The following FAM169A variants were observed in gnomAD, a reference collection of about 807,000 sequenced individuals.
FAM169A encodes family with sequence similarity 169 member A, also known as soluble lamin-associated protein of 75 kDa.
In FAM169A, 24 loss-of-function variants were observed where a neutral mutation model predicts 75.7. The observed-to-expected ratio is 0.32, with a 90% CI of 0.23 to 0.45. The LOEUF is 0.45. Among genes scored for constraint, FAM169A ranks in the 20% least tolerant of loss-of-function variants. The pLI is 1.00. For missense variants in FAM169A, 673 were observed against 784.0 expected, an observed-to-expected ratio of 0.86 and a Z score of 1.69; for synonymous variants, 271 against 271.0, an observed-to-expected ratio of 1.00 and a Z score of 0.00.
intron 1 of FAM169A, among the ~76,000 whole-genome samples, chr5:74,844,611 A>C (rs965767489): frequency 1.3e-5 from 2 of 152,158 alleles, no homozygotes; most frequent in African/African-American, 4.8e-5. Context: ...CAAGGTCAGG[A>C]GATGGAGACC....
chr5:74,850,275 T>C lies in FAM169A; in HGVS notation c.-3-8596A>G, dbSNP rs370281762. Reference sequence around the variant, plus strand: ...CCCGGCAGTCGGACTCCGATGTCTGTTTTTTTCCATCACATTGGTATGTCT... The same window carrying C: ...CCCGGCAGTCGGACTCCGATGTCTGCTTTTTTCCATCACATTGGTATGTCT... On this transcript the variant is annotated intron_variant, in intron 1 of 12. Transcript: ENST00000687041. Among the ~76,000 whole-genome samples the C allele has an allele frequency of 7.2e-5, 11 of 152,252 alleles. No individual in the cohort carries two copies. In the East Asian group the frequency reaches 1.9e-3, roughly 27 times the overall value.
At chr5:74,799,579 T>G in intron 10 of FAM169A, 1 of 1,488,220 alleles carries the variant, frequency 6.7e-7, no homozygotes, top group South Asian at 1.1e-5. Context: ...GCAGCTGATG[T>G]CAGAGTCTGG....
At chr5:74,852,947 C>T (rs570837570) in intron 1 of FAM169A, among the ~76,000 whole-genome samples, 42 of 152,250 alleles carry the variant, frequency 2.8e-4, no homozygotes, top group Non-Finnish European at 2.9e-4. Flanking sequence ...GTACCTTGTG[C>T]ATAAATCTTT....
At chr5:74,856,155 G>T (rs959349204) in intron 1 of FAM169A, among the ~76,000 whole-genome samples, 1 of 152,112 alleles carries the variant, frequency 6.6e-6, no homozygotes, top group Non-Finnish European at 1.5e-5. Context: ...CTGTTTTTAC[G>T]CTGGTACCAT....
intron 4 of FAM169A, among the ~76,000 whole-genome samples, chr5:74,835,822 AC>A (rs1358113442): frequency 1.3e-5 from 2 of 152,104 alleles, no homozygotes; most frequent in Non-Finnish European, 2.9e-5. Flanking sequence ...CCTTCCTTGA[AC>A]CCACAGTTCT....
At chr5:74,802,644 C>G (rs1470183628) in intron 8 of FAM169A, among the ~76,000 whole-genome samples, 1 of 152,080 alleles carries the variant, frequency 6.6e-6, no homozygotes, top group Non-Finnish European at 1.5e-5. Flanking sequence ...ATATTTCCAA[C>G]AATGGACCAT....
At chr5:74,819,993 C>CCTTT (rs1747691513) in intron 5 of FAM169A, among the ~76,000 whole-genome samples, 2 of 119,090 alleles carry the variant, frequency 1.7e-5, no homozygotes, top group African/African-American at 6.5e-5. Context: ...GAATTGTATC[C>CCTTT]TTTTTTTTTT....
intron 1 of FAM169A, among the ~76,000 whole-genome samples, chr5:74,842,167 A>G (rs1314691155): frequency 7.3e-6 from 1 of 136,904 alleles, no homozygotes; most frequent in Non-Finnish European, 1.5e-5. Flanking sequence ...CACGCCTGTA[A>G]TTCCAGCACT....
At chr5:74,783,169 A>G (rs1319292950) in intron 11 of FAM169A, 35 bp from the exon 12 acceptor site, 1 of 1,492,526 alleles carries the variant, frequency 6.7e-7, no homozygotes, top group Non-Finnish European at 9.3e-7. Context: ...AAGTAAGGAC[A>G]TGATTACAAA....
chr5:74,793,605 G>A (rs958291437), intron 11 of FAM169A, among the ~76,000 whole-genome samples: 6 of 152,120 alleles, frequency 3.9e-5, no homozygotes, highest in African/African-American at 1.2e-4. Flanking sequence ...GTTGGGTACA[G>A]TATACACTGC....
chr5:74,799,034 G>A lies in FAM169A; in HGVS notation c.1103+1846C>T, dbSNP rs780520303. On this transcript the variant is annotated intron_variant, in intron 10 of 12. Coordinates refer to ENST00000687041, the MANE Select transcript of FAM169A (RefSeq NM_001376049.1). ...TTTTTACTAGAGCCAATCAACTGTC[G>A]TGCCTGAAACAGGGATCGTACCCAG... 58 of 1,118,096 alleles carry A rather than the reference G, an allele frequency of 5.2e-5. 1 individual carries two copies. The highest frequency in any genetic ancestry group is 8.6e-5 in the South Asian group (7 of 81,042). 69.3% of individuals were successfully genotyped at this position (1,118,096 alleles called of 1,614,324 possible).
Position 74,783,140 on chromosome 5 carries a change from C to T in FAM169A, c.1261-6G>A. 1 of 1,594,880 alleles carries T rather than the reference C, an allele frequency of 6.3e-7. No homozygotes were observed. Among genetic ancestry groups the T allele is most frequent in the Non-Finnish European group, 8.6e-7 (1 of 1,167,378 alleles). On this transcript the variant is annotated splice_polypyrimidine_tract_variant and splice_region_variant and intron_variant, in intron 11 of 12. Transcript: ENST00000687041. The stretch of plus-strand genomic sequence containing the variant: ...ATAGGCTCTAATTCAGATTCCTACA[C>T]CATGAGGAGAGAGGGAAAAAGTAAG...
intron 1 of FAM169A, among the ~76,000 whole-genome samples, chr5:74,862,561 G>C (rs948901783): frequency 4.6e-5 from 7 of 152,106 alleles, no homozygotes; most frequent in African/African-American, 1.4e-4. Flanking sequence ...ATATCACTTT[G>C]TTCAGTTCAC....
At chr5:74,826,644 TATTTTAAAAACA>T (rs1748044260) in intron 5 of FAM169A, among the ~76,000 whole-genome samples, 1 of 152,176 alleles carries the variant, frequency 6.6e-6, no homozygotes, top group African/African-American at 2.4e-5. Context: ...TTTAAAAAAC[TATTTTAAAAACA>T]ATTGTAGACT....
intron 1 of FAM169A, among the ~76,000 whole-genome samples, chr5:74,855,536 G>T (rs1026774091): frequency 6.6e-6 from 1 of 152,094 alleles, no homozygotes; most frequent in African/African-American, 2.4e-5. Context: ...GATGATCAAT[G>T]ATGTTGAGTA....
chr5:74,828,341 CCTT>C (rs1324651627), intron 5 of FAM169A, among the ~76,000 whole-genome samples: 4 of 152,114 alleles, frequency 2.6e-5, no homozygotes, highest in East Asian at 1.9e-4. Flanking sequence ...CCTCTCCCTG[CCTT>C]CTTTTTTCTT....
At chr5:74,804,872 T>C (rs1044494475) in intron 7 of FAM169A, among the ~76,000 whole-genome samples, 1 of 152,212 alleles carries the variant, frequency 6.6e-6, no homozygotes, top group Non-Finnish European at 1.5e-5. Flanking sequence ...GCCTATTCTA[T>C]GCCGTTTGAG....
At chr5:74,854,034 A>G (rs1241495561) in intron 1 of FAM169A, among the ~76,000 whole-genome samples, 2 of 152,256 alleles carry the variant, frequency 1.3e-5, no homozygotes, top group Admixed American at 6.5e-5. Context: ...AGCAGTGTAT[A>G]TATTTATGGG....
At chr5:74,810,353 T>C (rs2112563046) in intron 6 of FAM169A, among the ~76,000 whole-genome samples, 1 of 152,186 alleles carries the variant, frequency 6.6e-6, no homozygotes, top group East Asian at 1.9e-4. Flanking sequence ...AGGGAACTTT[T>C]GGAAACAAAG....
Sources: gnomAD v4.1 joint callset for allele counts (sites outside exome capture counted in the v4.1 genomes callset) on GRCh38, gnomAD v4.1.1 for gene constraint, MANE v1.5 for transcripts, NCBI Gene and HGNC (gene_info 2026-07-23, HGNC 2026-07-21) for gene names.